Variants in FMR1 observed in about 807,000 individuals in gnomAD.
FMR1 encodes the protein FMRP translational regulator 1.
Under a neutral mutation model 50.6 loss-of-function variants are expected in FMR1, and 13 were observed. The ratio of observed to expected loss-of-function variants is 0.26; its 90% confidence interval spans 0.17 to 0.41. The LOEUF is 0.41. Ranked by LOEUF, FMR1 falls within the 10% of genes least tolerant of loss-of-function variation. The probability of loss-of-function intolerance (pLI) is 1.00; values close to 1 mark genes in which losing one functional copy is unlikely to be tolerated. For missense variants in FMR1, 316 were observed against 491.3 expected (o/e 0.64, Z 3.37); for synonymous variants, 138 against 164.1 (o/e 0.84, Z 1.22).
chrX:147,936,011 C>T (rs1021372179), intron 9 of FMR1, among the ~76,000 whole-genome samples: 2 of 112,089 alleles, frequency 1.8e-5, no homozygotes, highest in African/African-American at 6.5e-5. Flanking sequence ...GCCTTCCATA[C>T]AGAATTCTGA....
chrX:147,940,636 T>C lies in FMR1; in HGVS notation c.1249T>C (p.Leu417=). 8.4e-7 allele frequency: 1 copy of C among 1,193,278 alleles called. No homozygotes were observed. The highest frequency in any genetic ancestry group is 1.1e-6 in the Non-Finnish European group (1 of 878,621). Residue 417 remains leucine, a synonymous_variant, in exon 13 of 17, where the codon TTG becomes CTG. Coordinates refer to ENST00000370475, the MANE Select transcript of FMR1 (RefSeq NM_002024.6). ...CAGCATCGCTAATGCCACTGTTCTT[T>C]TGGATTATCACCTGAACTATTTAAA... ...KDSIANATVL[L]DYHLNYLKEV...
At chrX:147,913,632 G>A (rs2042706441) in intron 1 of FMR1, 1 of 112,193 alleles carries the variant, frequency 8.9e-6, no homozygotes. Flanking sequence ...AGTAAAGTAT[G>A]TAAACTGTTC....
In FMR1 at chrX:147,950,825, T is replaced by G; in HGVS notation, c.*1981T>G. On this transcript the variant is annotated 3_prime_UTR_variant, in exon 17 of 17. Transcript: ENST00000370475. Reference sequence around the variant, plus strand: ...TAAAGCGAAAAACTCAACCAAATGGTACAAAACCACAGTGTACCATTAAAA... The same window carrying G: ...TAAAGCGAAAAACTCAACCAAATGGGACAAAACCACAGTGTACCATTAAAA... The G allele has an allele frequency of 9.7e-6, 3 of 308,681 alleles. No individual in the cohort carries two copies. Among genetic ancestry groups the G allele is most frequent in the South Asian group, 8.8e-5 (3 of 34,272 alleles). 25.4% of individuals were successfully genotyped at this position (308,681 alleles called of 1,213,427 possible). A position where few individuals can be genotyped will look rare whatever the true frequency, so the allele number is the denominator to read the frequency against.
At chrX:147,916,841 C>T (rs1420451572) in intron 1 of FMR1, among the ~76,000 whole-genome samples, 1 of 111,531 alleles carries the variant, frequency 9.0e-6, no homozygotes, top group Admixed American at 9.5e-5. Context: ...GGGTTCAAGC[C>T]AGTCTCATGC....
At chrX:147,937,904 C>T (rs375759601) in intron 11 of FMR1, among the ~76,000 whole-genome samples, 195 bp from the exon 12 acceptor site, 6 of 111,835 alleles carry the variant, frequency 5.4e-5, no homozygotes, top group African/African-American at 2.0e-4. Context: ...TTGCAGGTAT[C>T]GTAGCTCAAA....
rs781804533 is a variant in FMR1, at chrX:147,943,111, A to G, written c.1276-20A>G. ...AAAATGTCAAATTATTTTTACTGTT[A>G]TCTTGTATATTTTAAATAGGAAGTA... On this transcript the variant is annotated intron_variant, in intron 13 of 16. Transcript: ENST00000370475. 1 of 1,158,126 alleles carries G rather than the reference A, an allele frequency of 8.6e-7. No individual in the cohort carries two copies. Among genetic ancestry groups the G allele is most frequent in the Admixed American group, 2.2e-5 (1 of 45,905 alleles).
At chrX:147,944,692 CTTCATT>C in intron 14 of FMR1, 171 bp from the exon 15 acceptor site, 1 of 1,050,532 alleles carries the variant, frequency 9.5e-7, no homozygotes, top group East Asian at 3.4e-5. Flanking sequence ...TTGCAAAGCC[CTTCATT>C]TTGAGTTTAA....
rs782292811 is a variant in FMR1, at chrX:147,928,224, C to CT, written c.199-97dup. ...TATGACATGTGGTTTTTAAAGACAC[C>CT]TAGGGGCATTTTAAGAAAATTTCCT... On this transcript the variant is annotated intron_variant, in intron 3 of 16. Transcript: ENST00000370475. The CT allele has an allele frequency of 1.2e-4, 90 of 759,271 alleles. No homozygotes were observed. The African/African-American group carries it at 1.8e-3, about 15-fold the overall frequency. 62.6% of individuals were successfully genotyped at this position (759,271 alleles called of 1,213,427 possible).
intron 5 of FMR1, among the ~76,000 whole-genome samples, chrX:147,929,196 A>T (rs29280): frequency 0.09 from 10,078 of 111,731 alleles, 389 homozygotes; most frequent in African/African-American, 0.13. Context: ...TTTTCAGATA[A>T]ATGTGTAATA....
intron 2 of FMR1, among the ~76,000 whole-genome samples, chrX:147,923,618 A>T (rs954981281): frequency 8.9e-6 from 1 of 111,925 alleles, no homozygotes; most frequent in Admixed American, 9.5e-5. Context: ...TTTAATTTTC[A>T]ATCAGATTTC....
intron 4 of FMR1, 49 bp downstream of exon 4, chrX:147,928,442 TA>T: frequency 1.0e-6 from 1 of 996,455 alleles, no homozygotes; most frequent in Non-Finnish European, 1.4e-6. Flanking sequence ...TTCCTTTTTT[TA>T]AACCCAGGTT....
intron 5 of FMR1, among the ~76,000 whole-genome samples, chrX:147,929,009 G>A (rs1425925352): frequency 1.8e-5 from 2 of 112,044 alleles, no homozygotes; most frequent in African/African-American, 6.5e-5. Context: ...AGGCAGCCTT[G>A]CGCTTGTTTA....
intron 9 of FMR1, 78 bp downstream of exon 9, chrX:147,932,841 C>T: frequency 1.5e-6 from 1 of 661,530 alleles, no homozygotes; most frequent in Non-Finnish European, 2.4e-6. Context: ...GATAGAATTC[C>T]ATTTTTTCTT....
intron 9 of FMR1, among the ~76,000 whole-genome samples, chrX:147,935,554 C>A (rs1165831719): frequency 8.9e-6 from 1 of 112,023 alleles, no homozygotes; most frequent in Non-Finnish European, 1.9e-5. Flanking sequence ...CTTGGGTGAG[C>A]CCTCAGAATC....
chrX:147,914,406 T>C (rs2042745427), intron 1 of FMR1: 1 of 112,083 alleles, frequency 8.9e-6, no homozygotes, highest in Non-Finnish European at 1.9e-5. Flanking sequence ...GCTTGTCCAG[T>C]GGGATGGACA....
intron 9 of FMR1, among the ~76,000 whole-genome samples, chrX:147,934,938 A>G (rs1409701520): frequency 9.0e-6 from 1 of 111,640 alleles, no homozygotes; most frequent in Non-Finnish European, 1.9e-5. Context: ...TTATCTTTTC[A>G]TTAAAATTGG....
chrX:147,921,001 G>A (rs1202302424), intron 1 of FMR1, among the ~76,000 whole-genome samples: 3 of 111,792 alleles, frequency 2.7e-5, no homozygotes, highest in South Asian at 3.7e-4. Flanking sequence ...CTTTTACAGC[G>A]GGAGAAGGAG....
Position 147,933,737 on chromosome X carries a change from G to A in FMR1, c.880+974G>A, listed in dbSNP as rs782743301. On this transcript the variant is annotated intron_variant, in intron 9 of 16. Coordinates refer to ENST00000370475, the MANE Select transcript of FMR1 (RefSeq NM_002024.6). ...TGAGATCATGGCCATTTTATATAAA[G>A]TAATACATGTTCTTTGGAAACTTTA... 2.7e-5 allele frequency: 14 copies of A among 525,360 alleles called. No homozygotes were observed. In the African/African-American group the frequency reaches 3.3e-4, roughly 12 times the overall value. The allele number at this position is 525,360 out of a possible 1,213,427, so 43.3% of individuals were successfully genotyped here. A position where few individuals can be genotyped will look rare whatever the true frequency, so the allele number is the denominator to read the frequency against.
intron 1 of FMR1, chrX:147,914,075 T>C (rs1312761472): frequency 4.4e-5 from 5 of 112,450 alleles, no homozygotes; most frequent in African/African-American, 9.7e-5. Context: ...GCACACTGAC[T>C]GGAATATAAG....
Sources: gnomAD v4.1 joint callset for allele counts (sites outside exome capture counted in the v4.1 genomes callset) on GRCh38, gnomAD v4.1.1 for gene constraint, MANE v1.5 for transcripts, NCBI Gene and HGNC (gene_info 2026-07-23, HGNC 2026-07-21) for gene names.